Variants in HSDL2 observed in about 807,000 individuals in gnomAD.
HSDL2 encodes hydroxysteroid dehydrogenase-like protein 2.
HSDL2 carries 27 observed loss-of-function variants against 46.3 expected under a neutral mutation model. That is an observed-to-expected ratio of 0.58 (90% CI 0.43 to 0.80). The LOEUF (loss-of-function observed/expected upper bound fraction) is 0.80. Among genes scored for constraint, HSDL2 ranks in the 30% least tolerant of loss-of-function variants. The pLI is 0.00. For missense variants in HSDL2, 451 were observed against 502.7 expected, an observed-to-expected ratio of 0.90 and a Z score of 0.98; for synonymous variants, 153 against 163.6, an observed-to-expected ratio of 0.94 and a Z score of 0.50.
chr9:112,430,784 G>T (rs370803411), intron 6 of HSDL2, among the ~76,000 whole-genome samples: 18 of 152,146 alleles, frequency 1.2e-4, no homozygotes, highest in Non-Finnish European at 5.9e-5. Flanking sequence ...TGGTGCGGTG[G>T]CTCGCATCTG....
chr9:112,445,422 T>C (rs907232925), intron 8 of HSDL2, among the ~76,000 whole-genome samples: 1 of 152,232 alleles, frequency 6.6e-6, no homozygotes, highest in Non-Finnish European at 1.5e-5. Flanking sequence ...ATGGTTAATT[T>C]GCTATGGTGC....
intron 1 of HSDL2, among the ~76,000 whole-genome samples, chr9:112,387,223 CTTT>C (rs1363217242): frequency 1.4e-5 from 2 of 139,634 alleles, no homozygotes; most frequent in African/African-American, 2.6e-5. Context: ...GGTTTCTTTT[CTTT>C]TTTTTTTTTT....
chr9:112,398,444 A>G (rs1034518592), intron 1 of HSDL2, among the ~76,000 whole-genome samples: 2 of 152,032 alleles, frequency 1.3e-5, no homozygotes, highest in African/African-American at 4.8e-5. Context: ...TGGGAGCTAC[A>G]AGTACCGGCT....
rs1201057190 is a variant in HSDL2, at chr9:112,441,026, TAAATAATA to T, written c.794-670_794-663del. Among the ~76,000 whole-genome samples the T allele has an allele frequency of 8.8e-5, 13 of 147,894 alleles. No individual in the cohort carries two copies. In the East Asian group the frequency reaches 2.6e-3, roughly 29 times the overall value. On this transcript the variant is annotated intron_variant, in intron 7 of 10. Coordinates refer to ENST00000398805, the MANE Select transcript of HSDL2 (RefSeq NM_032303.5). ...CCGTCTCAAAAAATAAATAAATAAA[TAAATAATA>T]AATAAATAAATAAAAATTAGCTGGA...
At chr9:112,401,030 G>A (rs958170973) in intron 1 of HSDL2, among the ~76,000 whole-genome samples, 5 of 152,104 alleles carry the variant, frequency 3.3e-5, no homozygotes, top group Non-Finnish European at 7.4e-5. Flanking sequence ...TCAATAACAG[G>A]GAGATAAGGC....
In HSDL2 at chr9:112,425,873, G is replaced by A. The variant is rs187820001; in HGVS notation, c.598+6915G>A. ...CTCCTAAATAGCTAGAACCACAGGT[G>A]CATACCACCATGCCCAGCTAGTTTT... On this transcript the variant is annotated intron_variant, in intron 6 of 10. Coordinates refer to ENST00000398805, the MANE Select transcript of HSDL2 (RefSeq NM_032303.5). 2.8e-3 allele frequency among the ~76,000 whole-genome samples: 419 copies of A among 151,856 alleles called. 1 individual carries two copies. Among genetic ancestry groups the A allele is most frequent in the Non-Finnish European group, 4.8e-3 (324 of 67,964 alleles).
intron 8 of HSDL2, among the ~76,000 whole-genome samples, chr9:112,453,160 G>A (rs140289877): frequency 2.0e-3 from 311 of 152,262 alleles, no homozygotes; most frequent in African/African-American, 7.2e-3. Flanking sequence ...TGGGTGAAAG[G>A]ACTAGGTGAA....
At chr9:112,423,502 G>A (rs1391727500) in intron 6 of HSDL2, among the ~76,000 whole-genome samples, 1 of 151,954 alleles carries the variant, frequency 6.6e-6, no homozygotes, top group East Asian at 1.9e-4. Flanking sequence ...TAGAGAGGGG[G>A]TTTCACCATG....
chr9:112,415,871 G>A (rs574671158), intron 4 of HSDL2, among the ~76,000 whole-genome samples: 1 of 152,244 alleles, frequency 6.6e-6, no homozygotes, highest in Admixed American at 6.5e-5. Flanking sequence ...AATGTATCTT[G>A]GCGGAGCGTG....
chr9:112,459,342 T>C lies in HSDL2; in HGVS notation c.1016-107T>C, dbSNP rs557057730. 1.3e-5 allele frequency: 16 copies of C among 1,279,344 alleles called. No individual in the cohort carries two copies. In the African/African-American group the frequency reaches 1.7e-4, roughly 13 times the overall value. 79.2% of individuals were successfully genotyped at this position (1,279,344 alleles called of 1,614,324 possible). ...TTGACTGATGGAGGTCTGGGGATTTTAACTTGGAAAACAGCATTTTGTAAG... is the reference window on the plus strand; with the variant it reads ...TTGACTGATGGAGGTCTGGGGATTTCAACTTGGAAAACAGCATTTTGTAAG... On this transcript the variant is annotated intron_variant, in intron 9 of 10. Transcript: ENST00000398805.
At chr9:112,457,409 G>A (rs780416023) in intron 9 of HSDL2, among the ~76,000 whole-genome samples, 4 of 152,164 alleles carry the variant, frequency 2.6e-5, no homozygotes, top group Non-Finnish European at 5.9e-5. Context: ...CCAGCACTCT[G>A]GGAGGCCAAT....
intron 7 of HSDL2, among the ~76,000 whole-genome samples, chr9:112,440,736 C>A (rs946927674): frequency 1.4e-4 from 22 of 152,112 alleles, no homozygotes; most frequent in Non-Finnish European, 3.1e-4. Flanking sequence ...TGTTCAGGCA[C>A]GGTGGCTCAC....
intron 4 of HSDL2, among the ~76,000 whole-genome samples, chr9:112,412,454 G>A (rs1831893403): frequency 6.6e-6 from 1 of 152,172 alleles, no homozygotes; most frequent in African/African-American, 2.4e-5. Context: ...GTAGGTATAT[G>A]TTTTGCAGGG....
chr9:112,456,311 G>T (rs370662775), intron 9 of HSDL2, among the ~76,000 whole-genome samples: 39 of 152,240 alleles, frequency 2.6e-4, no homozygotes, highest in South Asian at 2.1e-3. Flanking sequence ...GATACCATTT[G>T]TTTCCATTTC....
chr9:112,409,825 C>G (rs1831819536), intron 4 of HSDL2, among the ~76,000 whole-genome samples: 2 of 151,504 alleles, frequency 1.3e-5, no homozygotes, highest in South Asian at 2.1e-4. Flanking sequence ...TGCACTCCAG[C>G]CTGGGTAACA....
intron 1 of HSDL2, among the ~76,000 whole-genome samples, chr9:112,398,033 C>T (rs938636651): frequency 2.0e-5 from 3 of 152,060 alleles, no homozygotes; most frequent in Non-Finnish European, 2.9e-5. Flanking sequence ...GAGATGGACT[C>T]GGCATAGAAA....
At chr9:112,468,197 T>G (rs1447139308) in intron 10 of HSDL2, among the ~76,000 whole-genome samples, 2 of 152,190 alleles carry the variant, frequency 1.3e-5, no homozygotes, top group African/African-American at 4.8e-5. Context: ...TGAAAGTTTT[T>G]GAAATCAGAG....
chr9:112,412,231 T>C (rs1392080392), intron 4 of HSDL2, among the ~76,000 whole-genome samples: 1 of 152,196 alleles, frequency 6.6e-6, no homozygotes, highest in Admixed American at 6.5e-5. Context: ...AAGCTAAACT[T>C]GTACCACACA....
intron 1 of HSDL2, among the ~76,000 whole-genome samples, chr9:112,391,489 C>T (rs902105522): frequency 1.3e-5 from 2 of 151,796 alleles, no homozygotes; most frequent in Non-Finnish European, 2.9e-5. Context: ...AGAATTTCTG[C>T]TAATCAAAAG....
Sources: gnomAD v4.1 joint callset for allele counts (sites outside exome capture counted in the v4.1 genomes callset) on GRCh38, gnomAD v4.1.1 for gene constraint, MANE v1.5 for transcripts, NCBI Gene and HGNC (gene_info 2026-07-23, HGNC 2026-07-21) for gene names.